Variants in EXT1 observed in about 807,000 individuals in gnomAD.
EXT1 encodes the protein exostosin glycosyltransferase 1, also known as exostosin-1.
EXT1 carries 20 observed loss-of-function variants against 82.5 expected under a neutral mutation model. The observed-to-expected ratio is 0.24, with a 90% CI of 0.17 to 0.35. The LOEUF (loss-of-function observed/expected upper bound fraction) is 0.35. Among genes scored for constraint, EXT1 ranks in the 10% least tolerant of loss-of-function variants. EXT1 has a pLI of 1.00. For missense variants in EXT1, 757 were observed against 936.5 expected, an observed-to-expected ratio of 0.81 and a Z score of 2.50; for synonymous variants, 348 against 350.8, an observed-to-expected ratio of 0.99 and a Z score of 0.09.
Position 117,981,553 on chromosome 8 carries a change from T to C in EXT1, c.962+128532A>G, listed in dbSNP as rs73323986. Among the ~76,000 whole-genome samples, 956 of 152,288 alleles carry C rather than the reference T, an allele frequency of 6.3e-3. 14 individuals are homozygous for C. Among genetic ancestry groups the C allele is most frequent in the African/African-American group, 0.022 (918 of 41,552 alleles). On this transcript the variant is annotated intron_variant, in intron 1 of 10. Transcript: ENST00000378204. ...CCCATTGGTGATGTATGTTGGTCAT[T>C]TGTTCTTGAAAAAGTACTTTCTGCT...
chr8:118,080,734 A>T (rs974302099), intron 1 of EXT1, among the ~76,000 whole-genome samples: 2 of 152,220 alleles, frequency 1.3e-5, no homozygotes, highest in Non-Finnish European at 2.9e-5. Flanking sequence ...TTAAGTATAT[A>T]GATAAAAAGC....
intron 1 of EXT1, among the ~76,000 whole-genome samples, chr8:118,044,930 T>C (rs2129911411): frequency 6.6e-6 from 1 of 152,344 alleles, no homozygotes; most frequent in South Asian, 2.1e-4. Context: ...TGACAGAGAA[T>C]GTATGTGCAA....
intron 1 of EXT1, among the ~76,000 whole-genome samples, chr8:118,044,905 A>AGC (rs1485545660): frequency 1.3e-5 from 2 of 152,218 alleles, no homozygotes; most frequent in African/African-American, 4.8e-5. Context: ...TCCTCTTACA[A>AGC]GCGTTGACTA....
At chr8:117,965,540 A>G (rs1163575123) in intron 1 of EXT1, among the ~76,000 whole-genome samples, 1 of 152,114 alleles carries the variant, frequency 6.6e-6, no homozygotes, top group Non-Finnish European at 1.5e-5. Flanking sequence ...TTTGCAGATA[A>G]ATATTGTGCA....
intron 1 of EXT1, among the ~76,000 whole-genome samples, chr8:118,027,652 G>A (rs1219943522): frequency 6.6e-6 from 1 of 152,176 alleles, no homozygotes; most frequent in African/African-American, 2.4e-5. Context: ...ATTGTCTAGA[G>A]AAACCATCTG....
chr8:118,026,028 T>A (rs956353586), intron 1 of EXT1, among the ~76,000 whole-genome samples: 1 of 151,688 alleles, frequency 6.6e-6, no homozygotes, highest in Non-Finnish European at 1.5e-5. Context: ...GGGAAAAGAG[T>A]GTACTCTATT....
At chr8:118,052,137 C>G (rs546611580) in intron 1 of EXT1, among the ~76,000 whole-genome samples, 4 of 152,260 alleles carry the variant, frequency 2.6e-5, no homozygotes, top group Admixed American at 1.3e-4. Context: ...GGAAGGGGAG[C>G]TGAACGCAAA....
At chr8:118,015,331 T>G (rs1227496948) in intron 1 of EXT1, among the ~76,000 whole-genome samples, 10 of 152,170 alleles carry the variant, frequency 6.6e-5, no homozygotes. Context: ...AGCCTTTTCT[T>G]TTACCAATAG....
intron 1 of EXT1, among the ~76,000 whole-genome samples, chr8:118,088,249 CA>C (rs1203330637): frequency 6.6e-6 from 1 of 152,038 alleles, no homozygotes. Context: ...GAAAACAAAA[CA>C]AAACAAAAAT....
At chr8:117,994,008 C>T (rs911220200) in intron 1 of EXT1, among the ~76,000 whole-genome samples, 1 of 152,176 alleles carries the variant, frequency 6.6e-6, no homozygotes, top group Non-Finnish European at 1.5e-5. Context: ...AGTTACAGAG[C>T]TAGCAAAGTT....
In EXT1 at chr8:117,808,409, T is replaced by C. The variant is rs371508456; in HGVS notation, c.1723-1032A>G. ...AGGGAAACTAAGATATAAGTTCAAG[T>C]AATTTGCTGAGCTAATAAGTGGCAG... On this transcript the variant is annotated intron_variant, in intron 8 of 10. Coordinates refer to ENST00000378204, the MANE Select transcript of EXT1 (RefSeq NM_000127.3). Among the ~76,000 whole-genome samples, 15 of 152,348 alleles carry C rather than the reference T, an allele frequency of 9.8e-5. No homozygotes were observed. The East Asian group carries it at 2.7e-3, about 27-fold the overall frequency.
intron 1 of EXT1, among the ~76,000 whole-genome samples, chr8:117,874,706 C>A (rs1464628831): frequency 2.0e-5 from 3 of 152,042 alleles, no homozygotes; most frequent in African/African-American, 7.2e-5. Flanking sequence ...AGGCAGCATA[C>A]TACTGACAAT....
At position 117,804,713 on chromosome 8, in the gene EXT1, T is replaced by C. The variant is rs755478653; in HGVS notation, c.2055+9A>G. On this transcript the variant is annotated intron_variant, in intron 10 of 10. Coordinates refer to ENST00000378204, the MANE Select transcript of EXT1 (RefSeq NM_000127.3). ...GTGAAGCAAGGGAAGAGGGCTCTTC[T>C]ATACTTACCTGTCCCATCATTGTCT... The C allele has an allele frequency of 6.2e-7, 1 of 1,614,016 alleles. No individual in the cohort carries two copies.
At chr8:117,814,723 C>T (rs17503173) in intron 7 of EXT1, among the ~76,000 whole-genome samples, 387 of 152,252 alleles carry the variant, frequency 2.5e-3, no homozygotes, top group African/African-American at 8.9e-3. Flanking sequence ...CTGCCATCAA[C>T]TTTGAAGAGA....
At chr8:118,030,942 CT>C (rs1816304210) in intron 1 of EXT1, among the ~76,000 whole-genome samples, 1 of 152,158 alleles carries the variant, frequency 6.6e-6, no homozygotes, top group South Asian at 2.1e-4. Flanking sequence ...TCTAAAGGTC[CT>C]TTTAAGGTGA....
chr8:117,830,436 T>C (rs1191620392), intron 3 of EXT1, 87 bp from the exon 4 acceptor site: 2 of 1,465,536 alleles, frequency 1.4e-6, no homozygotes, highest in Admixed American at 3.7e-5. Context: ...GTTAGGCTTT[T>C]ATTCTTCATA....
intron 1 of EXT1, among the ~76,000 whole-genome samples, chr8:117,931,528 G>A (rs748706764): frequency 3.3e-5 from 5 of 150,922 alleles, no homozygotes; most frequent in Admixed American, 6.6e-5. Flanking sequence ...GGGGAGGTGG[G>A]AATAAGAGAG....
At chr8:117,813,473 C>T (rs1055190517) in intron 7 of EXT1, among the ~76,000 whole-genome samples, 19 of 149,588 alleles carry the variant, frequency 1.3e-4, no homozygotes, top group African/African-American at 3.2e-4. Flanking sequence ...CTGACACCCA[C>T]TCTTCCCAAC....
chr8:117,857,539 C>CA (rs60946277), intron 1 of EXT1, among the ~76,000 whole-genome samples: 416 of 143,110 alleles, frequency 2.9e-3, no homozygotes, highest in Middle Eastern at 7.3e-3. Flanking sequence ...TTCCCCCCGC[C>CA]AAAAAAAAAA....
Sources: gnomAD v4.1 joint callset for allele counts (sites outside exome capture counted in the v4.1 genomes callset) on GRCh38, gnomAD v4.1.1 for gene constraint, MANE v1.5 for transcripts, NCBI Gene and HGNC (gene_info 2026-07-23, HGNC 2026-07-21) for gene names.